CCDC3: variants seen among roughly 807,000 people sequenced by gnomAD.
CCDC3 encodes coiled-coil domain-containing protein 3.
Under a neutral mutation model 21.4 loss-of-function variants are expected in CCDC3, and 24 were observed. The ratio of observed to expected loss-of-function variants is 1.12; its 90% CI spans 0.81 to 1.58. CCDC3 has a LOEUF of 1.58. Ranked by LOEUF, CCDC3 falls within the 40% of genes most tolerant of loss-of-function variation. The pLI, the probability that CCDC3 is intolerant of heterozygous loss-of-function variation, is 0.00. For missense variants in CCDC3, 425 were observed against 360.9 expected (o/e 1.18, Z -1.44); for synonymous variants, 186 against 166.0 (o/e 1.12, Z -0.93).
intron 3 of CCDC3, among the ~76,000 whole-genome samples, chr10:13,091,395 C>G (rs1832569562): frequency 6.6e-6 from 1 of 152,162 alleles, no homozygotes; most frequent in South Asian, 2.1e-4. Flanking sequence ...CTGCATCAAC[C>G]CTTCCACCAC....
intron 5 of CCDC3, among the ~76,000 whole-genome samples, chr10:13,036,421 C>T (rs182569417): frequency 6.6e-6 from 1 of 152,306 alleles, no homozygotes; most frequent in Admixed American, 6.5e-5. Flanking sequence ...AGACAAACTT[C>T]TAGAAAACCA....
intron 4 of CCDC3, among the ~76,000 whole-genome samples, chr10:13,054,087 G>A (rs540705894): frequency 1.3e-5 from 2 of 149,346 alleles, no homozygotes; most frequent in East Asian, 4.0e-4. Context: ...GCAGGTTGCA[G>A]TGAGCCGAGA....
intron 2 of CCDC3, among the ~76,000 whole-genome samples, chr10:12,997,287 A>AAC (rs1835776446): frequency 6.6e-6 from 1 of 152,040 alleles, no homozygotes; most frequent in South Asian, 2.1e-4. Flanking sequence ...CCCACATCAG[A>AAC]ACTCTCTCTC....
chr10:13,035,033 TA>T (rs11448002), intron 5 of CCDC3, among the ~76,000 whole-genome samples: 50 of 139,626 alleles, frequency 3.6e-4, no homozygotes, highest in Non-Finnish European at 2.6e-4. Context: ...CTCAAAAAAT[TA>T]AAAAAAAAAA....
At chr10:12,974,321 A>G (rs533780624) in intron 2 of CCDC3, among the ~76,000 whole-genome samples, 1 of 152,216 alleles carries the variant, frequency 6.6e-6, no homozygotes, top group Non-Finnish European at 1.5e-5. Context: ...TCAACAGAGC[A>G]TAGGCACGGG....
chr10:13,095,553 C>T (rs1256118059), intron 3 of CCDC3, among the ~76,000 whole-genome samples: 1 of 152,152 alleles, frequency 6.6e-6, no homozygotes, highest in East Asian at 1.9e-4. Flanking sequence ...GTTCACGCTC[C>T]TATGAAAATC....
chr10:12,985,481 T>C (rs1018523103), intron 2 of CCDC3, among the ~76,000 whole-genome samples: 11 of 152,220 alleles, frequency 7.2e-5, no homozygotes, highest in African/African-American at 2.7e-4. Flanking sequence ...TACGTGAATG[T>C]TCACCGCAAC....
At chr10:13,033,460 G>A (rs1019377796) in intron 5 of CCDC3, among the ~76,000 whole-genome samples, 19 of 152,134 alleles carry the variant, frequency 1.2e-4, no homozygotes, top group Non-Finnish European at 1.9e-4. Flanking sequence ...AACACCAAAA[G>A]CAATGGCAAC....
intron 2 of CCDC3, among the ~76,000 whole-genome samples, chr10:12,950,838 G>A (rs1198365524): frequency 6.6e-6 from 1 of 152,126 alleles, no homozygotes; most frequent in East Asian, 1.9e-4. Context: ...AGGAAGATAT[G>A]GGGGGCTTGG....
chr10:12,915,133 G>A (rs564503565), intron 2 of CCDC3, among the ~76,000 whole-genome samples: 1 of 151,912 alleles, frequency 6.6e-6, no homozygotes, highest in African/African-American at 2.4e-5. Context: ...CACATATTTG[G>A]GAATTTCCCA....
intron 2 of CCDC3, among the ~76,000 whole-genome samples, chr10:12,968,709 C>CA (rs1428522814): frequency 1.3e-5 from 2 of 152,018 alleles, no homozygotes; most frequent in Non-Finnish European, 2.9e-5. Context: ...ACTGTGACAT[C>CA]AAAAACACAA....
At chr10:12,925,607 AAATAT>A (rs1468386888) in intron 2 of CCDC3, among the ~76,000 whole-genome samples, 7 of 152,236 alleles carry the variant, frequency 4.6e-5, no homozygotes, top group Non-Finnish European at 8.8e-5. Flanking sequence ...GTGTATCTTA[AAATAT>A]AACATACATG....
intron 2 of CCDC3, among the ~76,000 whole-genome samples, chr10:12,939,928 G>A (rs1028709310): frequency 5.9e-5 from 9 of 152,198 alleles, no homozygotes; most frequent in African/African-American, 1.9e-4. Flanking sequence ...TGAATTTCAA[G>A]ATTGTTAGCT....
chr10:12,940,760 G>GAGCCTAT lies in CCDC3; in HGVS notation c.550-42088_550-42082dup, dbSNP rs1394875189. On this transcript the variant is annotated intron_variant, in intron 2 of 2. Coordinates refer to ENST00000378825, the MANE Select transcript of CCDC3 (RefSeq NM_031455.4). ...AAATGAGGCAGAATTAAGTGAGAAAGAGCCTATAGCCTAACCCTCCATGTT... is the reference window on the plus strand; with the variant it reads ...AAATGAGGCAGAATTAAGTGAGAAAGAGCCTATAGCCTATAGCCTAACCCTCCATGTT... Among the ~76,000 whole-genome samples, 10 of 152,336 alleles carry GAGCCTAT rather than the reference G, an allele frequency of 6.6e-5. No homozygotes were observed. The South Asian group carries it at 2.1e-3, about 32-fold the overall frequency.
At chr10:13,008,189 A>G (rs1453377761) in intron 5 of CCDC3, among the ~76,000 whole-genome samples, 1 of 152,200 alleles carries the variant, frequency 6.6e-6, no homozygotes. Context: ...CCTCCTAGGC[A>G]TGCAGCCCAA....
chr10:12,928,175 C>G (rs1382563793), intron 2 of CCDC3, among the ~76,000 whole-genome samples: 1 of 152,186 alleles, frequency 6.6e-6, no homozygotes, highest in South Asian at 2.1e-4. Context: ...AACTGTGGCT[C>G]AAGGCATCTG....
chr10:12,910,311 G>T (rs148832169), intron 2 of CCDC3, among the ~76,000 whole-genome samples: 22 of 152,286 alleles, frequency 1.4e-4, no homozygotes, highest in Non-Finnish European at 3.1e-4. Flanking sequence ...TTAAGGCAGA[G>T]ATACTGATAA....
intron 2 of CCDC3, among the ~76,000 whole-genome samples, chr10:12,982,804 A>C (rs796918765): frequency 1.4e-5 from 2 of 144,218 alleles, no homozygotes; most frequent in Admixed American, 6.7e-5. Context: ...AAAAAAAAAA[A>C]AAAAAAAAAA....
At chr10:13,069,574 T>C (rs1836860243) in intron 4 of CCDC3, among the ~76,000 whole-genome samples, 1 of 152,160 alleles carries the variant, frequency 6.6e-6, no homozygotes, top group Non-Finnish European at 1.5e-5. Flanking sequence ...AGTTTCAAAA[T>C]TGTCTTTCCT....
Sources: allele counts gnomAD v4.1 joint callset (sites outside exome capture counted in the v4.1 genomes callset), GRCh38; gene constraint gnomAD v4.1.1; transcripts MANE v1.5; gene names NCBI Gene and HGNC (gene_info 2026-07-23, HGNC 2026-07-21).